The following GRID1 variants were observed in gnomAD, a reference collection of about 807,000 sequenced individuals.
The protein encoded by GRID1 is glutamate receptor ionotropic, delta-1.
A neutral mutation model predicts 98.0 loss-of-function variants in GRID1; 28 were observed. The ratio of observed to expected loss-of-function variants is 0.29; its 90% CI spans 0.21 to 0.39. The LOEUF is 0.39. GRID1 is among the 10% of genes least tolerant of loss of function. GRID1 has a pLI of 1.00. For missense variants in GRID1, 1,111 were observed against 1,340.5 expected (o/e 0.83, Z 2.67); for synonymous variants, 553 against 538.5 (o/e 1.03, Z -0.37).
At chr10:85,604,913 C>T (rs564318569) in intron 15 of GRID1, among the ~76,000 whole-genome samples, 4 of 152,138 alleles carry the variant, frequency 2.6e-5, no homozygotes, top group Non-Finnish European at 2.9e-5. Flanking sequence ...CTATCCCCAC[C>T]GGATAACAGT....
At chr10:85,796,510 C>T (rs1237538459) in intron 8 of GRID1, among the ~76,000 whole-genome samples, 3 of 151,952 alleles carry the variant, frequency 2.0e-5, no homozygotes, top group Non-Finnish European at 4.4e-5. Context: ...AAGTGCATTC[C>T]GGACTAAGAA....
At chr10:85,982,099 C>T (rs2131861845) in intron 4 of GRID1, among the ~76,000 whole-genome samples, 1 of 151,144 alleles carries the variant, frequency 6.6e-6, no homozygotes, top group African/African-American at 2.4e-5. Flanking sequence ...AATAAGGCTC[C>T]AGGTGAGTCT....
intron 12 of GRID1, among the ~76,000 whole-genome samples, chr10:85,703,758 G>A (rs1046109137): frequency 6.6e-6 from 1 of 151,990 alleles, no homozygotes; most frequent in African/African-American, 2.4e-5. Context: ...TGCACAAGTG[G>A]ACATGAGAAA....
chr10:86,207,539 C>T (rs186119511), intron 2 of GRID1, among the ~76,000 whole-genome samples: 3 of 152,120 alleles, frequency 2.0e-5, no homozygotes, highest in East Asian at 1.9e-4. Context: ...CACCTCCCAA[C>T]GCTGCAACCC....
At chr10:85,748,333 T>C (rs1456495507) in intron 8 of GRID1, among the ~76,000 whole-genome samples, 1 of 152,162 alleles carries the variant, frequency 6.6e-6, no homozygotes, top group Non-Finnish European at 1.5e-5. Context: ...AGAAACATCA[T>C]GTGACCTTAG....
rs73334790 is a variant in GRID1 at position 85,844,566 on chromosome 10, T to C, written c.1233+9930A>G. Reference sequence around the variant, plus strand: ...TGCATAACAGTATCGCAAGATGTTATCATTGGGGAAACTAAATAAAGGGTA... The same window carrying C: ...TGCATAACAGTATCGCAAGATGTTACCATTGGGGAAACTAAATAAAGGGTA... On this transcript the variant is annotated intron_variant, in intron 8 of 15. Transcript: ENST00000327946. 5.7e-3 allele frequency among the ~76,000 whole-genome samples: 867 copies of C among 152,148 alleles called. 8 individuals are homozygous for C. The highest frequency in any genetic ancestry group is 0.02 in the African/African-American group (814 of 41,524).
chr10:86,008,624 C>A (rs538431431), intron 4 of GRID1, among the ~76,000 whole-genome samples: 1 of 152,160 alleles, frequency 6.6e-6, no homozygotes, highest in East Asian at 1.9e-4. Flanking sequence ...AAAGGAAACA[C>A]CTGTGAAAAA....
At chr10:86,331,876 C>T (rs1290037560) in intron 2 of GRID1, among the ~76,000 whole-genome samples, 1 of 152,240 alleles carries the variant, frequency 6.6e-6, no homozygotes, top group Non-Finnish European at 1.5e-5. Context: ...CAGCCGCTGT[C>T]TCTGCCAGGT....
intron 2 of GRID1, among the ~76,000 whole-genome samples, chr10:86,271,886 T>C (rs867505621): frequency 1.3e-5 from 2 of 151,906 alleles, no homozygotes; most frequent in South Asian, 4.1e-4. Flanking sequence ...TCATGAAAAA[T>C]TTCAAATTTG....
At chr10:85,694,892 A>C (rs1039980127) in intron 12 of GRID1, among the ~76,000 whole-genome samples, 5 of 151,934 alleles carry the variant, frequency 3.3e-5, no homozygotes, top group African/African-American at 1.2e-4. Context: ...TAAGACTAAA[A>C]GCCCAGACTT....
chr10:86,196,445 C>A (rs1213429177), intron 3 of GRID1, among the ~76,000 whole-genome samples: 2 of 152,050 alleles, frequency 1.3e-5, no homozygotes, highest in East Asian at 3.8e-4. Context: ...CTCACAGGAA[C>A]CCTCCACGGT....
chr10:86,344,469 T>C (rs920447854), intron 2 of GRID1, among the ~76,000 whole-genome samples: 7 of 152,094 alleles, frequency 4.6e-5, no homozygotes, highest in African/African-American at 1.2e-4. Context: ...CTGGCCCACA[T>C]GTGCCCCACA....
At chr10:86,320,447 A>C (rs1369759173) in intron 2 of GRID1, among the ~76,000 whole-genome samples, 2 of 152,216 alleles carry the variant, frequency 1.3e-5, no homozygotes, top group Admixed American at 1.3e-4. Context: ...CAAAAGTACT[A>C]TATGATTCCA....
At chr10:86,359,653 A>C (rs1238044987) in intron 2 of GRID1, among the ~76,000 whole-genome samples, 1 of 152,216 alleles carries the variant, frequency 6.6e-6, no homozygotes, top group Non-Finnish European at 1.5e-5. Flanking sequence ...ACACTGCGAC[A>C]GGTATATCTA....
chr10:85,629,159 A>G (rs770988652), intron 13 of GRID1, among the ~76,000 whole-genome samples: 1 of 152,232 alleles, frequency 6.6e-6, no homozygotes, highest in African/African-American at 2.4e-5. Context: ...AGCAGTGGAT[A>G]GAGAGAATGA....
At chr10:86,339,319 G>A (rs995705029) in intron 2 of GRID1, among the ~76,000 whole-genome samples, 1 of 152,242 alleles carries the variant, frequency 6.6e-6, no homozygotes, top group African/African-American at 2.4e-5. Context: ...CACCAAGGCT[G>A]GCAGAGGCCA....
intron 8 of GRID1, among the ~76,000 whole-genome samples, chr10:85,814,644 C>T (rs1051774463): frequency 6.6e-6 from 1 of 151,632 alleles, no homozygotes; most frequent in Admixed American, 6.6e-5. Flanking sequence ...TAACGGAATA[C>T]CATTAATAAT....
intron 5 of GRID1, among the ~76,000 whole-genome samples, chr10:85,897,794 C>T (rs764916122): frequency 1.3e-5 from 2 of 152,078 alleles, no homozygotes; most frequent in Non-Finnish European, 2.9e-5. Context: ...TGTCAGCTAT[C>T]GTAACCATAC....
rs1327774812 is a variant in GRID1, at chr10:85,627,550, T to C, written c.2194-7517A>G. ...CCATGGTCATCTTTGGGAGGTGCCA[T>C]CATGGGTGGCTTTTGTTGGTTTTGA... On this transcript the variant is annotated intron_variant, in intron 13 of 15. Coordinates refer to ENST00000327946, the MANE Select transcript of GRID1 (RefSeq NM_017551.3). Among the ~76,000 whole-genome samples, 2 of 152,214 alleles carry C rather than the reference T, an allele frequency of 1.3e-5. 1 individual carries two copies. Among genetic ancestry groups the C allele is most frequent in the Admixed American group, 1.3e-4 (2 of 15,284 alleles).
Sources: gnomAD v4.1 joint callset for allele counts (sites outside exome capture counted in the v4.1 genomes callset) on GRCh38, gnomAD v4.1.1 for gene constraint, MANE v1.5 for transcripts, NCBI Gene and HGNC (gene_info 2026-07-23, HGNC 2026-07-21) for gene names.